Variants in PXDN observed in about 807,000 individuals in gnomAD.
PXDN encodes the protein peroxidasin, also known as peroxidasin homolog.
PXDN carries 77 observed loss-of-function variants against 140.3 expected under a neutral mutation model. That is an observed-to-expected ratio of 0.55 (90% CI 0.46 to 0.66). The LOEUF is 0.66. Among genes scored for constraint, PXDN ranks in the 30% least tolerant of loss-of-function variants. PXDN has a pLI of 0.00. For missense variants in PXDN, 1,838 were observed against 2,039.5 expected, an observed-to-expected ratio of 0.90 and a Z score of 1.90; for synonymous variants, 911 against 857.4, an observed-to-expected ratio of 1.06 and a Z score of -1.09.
intron 1 of PXDN, among the ~76,000 whole-genome samples, chr2:1,705,346 C>A (rs1166504257): frequency 6.6e-6 from 1 of 152,110 alleles, no homozygotes; most frequent in African/African-American, 2.4e-5. Flanking sequence ...CCCATGAGCC[C>A]AGATGCAGGG....
rs760210864 is a variant in PXDN at position 1,649,580 on chromosome 2, C to G, written c.2200G>C (p.Asp734His). Residue 734 changes from aspartate (D) to histidine (H), a missense_variant, in exon 17 of 23, where the codon GAC becomes CAC. Asp to His is a moderately conservative substitution (Grantham distance 81). Transcript: ENST00000252804. The surrounding 1 kb of genome is among the most constrained non-coding windows in gnomAD (Gnocchi z 7.1). ...TAHRRVNNCS[D>H]MCFHQKYRTH... ...CGGTACTTCTGGTGGAAGCACATGT[C>G]CGAGCAGTTGTTCACGCGCCGGTGG... 6 of 1,614,030 alleles carry G rather than the reference C, an allele frequency of 3.7e-6. No individual in the cohort carries two copies. Among genetic ancestry groups the G allele is most frequent in the Non-Finnish European group, 5.1e-6 (6 of 1,179,894 alleles).
intron 7 of PXDN, among the ~76,000 whole-genome samples, chr2:1,679,598 TGC>T (rs1466304702): frequency 8.7e-6 from 1 of 114,708 alleles, no homozygotes; most frequent in Admixed American, 8.9e-5. Context: ...TGCGTGTATG[TGC>T]GTGTGTGTGT....
At chr2:1,702,299 C>A (rs567301918) in intron 1 of PXDN, among the ~76,000 whole-genome samples, 5 of 152,096 alleles carry the variant, frequency 3.3e-5, no homozygotes, top group East Asian at 1.9e-4. Context: ...CCAGGTGCCA[C>A]CCCCCCAACC....
chr2:1,653,932 G>A (rs1683071689), intron 15 of PXDN, 147 bp from the exon 16 acceptor site: 3 of 970,554 alleles, frequency 3.1e-6, no homozygotes, highest in Non-Finnish European at 4.4e-6. Context: ...CATCCGAAGT[G>A]GGAGGCAACA....
intron 14 of PXDN, among the ~76,000 whole-genome samples, chr2:1,656,012 TAC>T (rs779145337): frequency 1.3e-5 from 2 of 151,236 alleles, no homozygotes; most frequent in African/African-American, 4.9e-5. Flanking sequence ...CACGACACTA[TAC>T]ACACAGATAC....
intron 17 of PXDN, among the ~76,000 whole-genome samples, chr2:1,644,978 T>C (rs1449478061): frequency 1.3e-5 from 2 of 152,164 alleles, no homozygotes; most frequent in African/African-American, 4.8e-5. Flanking sequence ...CAAACGCATT[T>C]ATTATAACAA....
chr2:1,650,868 C>G (rs1166512506), intron 16 of PXDN, among the ~76,000 whole-genome samples: 7 of 152,078 alleles, frequency 4.6e-5, no homozygotes, highest in Non-Finnish European at 1.0e-4. Context: ...GTCAAGATCA[C>G]AGGTATCACT....
At chr2:1,708,367 G>A (rs11127326) in intron 1 of PXDN, among the ~76,000 whole-genome samples, 37,952 of 152,104 alleles carry the variant, frequency 0.25, 5,138 homozygotes, top group African/African-American at 0.32. Flanking sequence ...TCTGGGCCTG[G>A]AGTTTGCCCC....
intron 1 of PXDN, among the ~76,000 whole-genome samples, chr2:1,743,837 C>G (rs1685617797): frequency 8.1e-6 from 1 of 123,490 alleles, no homozygotes; most frequent in Non-Finnish European, 1.7e-5. Flanking sequence ...CCGAGGGGTC[C>G]TGAGCGGGGG....
Position 1,649,202 on chromosome 2 carries a change from C to A in PXDN, c.2578G>T (p.Val860Phe). 6.2e-7 allele frequency: 1 copy of A among 1,612,032 alleles called. No individual in the cohort carries two copies. The highest frequency in any genetic ancestry group is 8.5e-7 in the Non-Finnish European group (1 of 1,179,546). The change falls in exon 17 of 23, where the codon GTC (valine) becomes TTC (phenylalanine). Residue 860 changes from valine to phenylalanine, a missense_variant. This residue lies in a region of PXDN where 850 missense variants were observed against 894.1 expected (regional missense o/e 0.95). Coordinates refer to ENST00000252804, the MANE Select transcript of PXDN (RefSeq NM_012293.3). The surrounding 1 kb of genome is among the most constrained non-coding windows in gnomAD (Gnocchi z 7.1). Reference protein sequence around the residue: ...VCSNDPPCFSVMIPPNDSRAR... With the variant: ...VCSNDPPCFSFMIPPNDSRAR... ...CGGGAGTCATTGGGGGGGATCATGACAGAGAAGCAGGGGGGGTCGTTGCTG... is the reference window on the plus strand; with the variant it reads ...CGGGAGTCATTGGGGGGGATCATGAAAGAGAAGCAGGGGGGGTCGTTGCTG...
intron 17 of PXDN, among the ~76,000 whole-genome samples, chr2:1,647,128 T>C (rs528948166): frequency 2.0e-4 from 30 of 151,988 alleles, no homozygotes; most frequent in Non-Finnish European, 4.3e-4. Flanking sequence ...ACTCCTGACC[T>C]CGTGATCCAC....
In PXDN at chr2:1,635,467, C is replaced by T. The variant is rs778657944; in HGVS notation, c.4261G>A (p.Glu1421Lys). Residue 1421 changes from glutamate (E) to lysine (K), a missense_variant, in exon 22 of 23, where the codon GAA (glutamate) becomes AAA (lysine). Physicochemically the swap from Glu to Lys is moderately conservative, Grantham distance 56. Coordinates refer to ENST00000252804, the MANE Select transcript of PXDN (RefSeq NM_012293.3). ...STTECVDAGGESHANNTKWKK... is the reference protein window; with the variant it reads ...STTECVDAGGKSHANNTKWKK... ...CACTTGGTGTTGTTGGCGTGAGATT[C>T]GCCCCCGGCATCCACGCACTCTGTG... The T allele has an allele frequency of 1.4e-5, 22 of 1,602,478 alleles. No individual in the cohort carries two copies. Among genetic ancestry groups the T allele is most frequent in the South Asian group, 5.6e-5 (5 of 88,762 alleles).
At chr2:1,728,564 C>T (rs939001274) in intron 1 of PXDN, among the ~76,000 whole-genome samples, 1 of 152,216 alleles carries the variant, frequency 6.6e-6, no homozygotes, top group African/African-American at 2.4e-5. Flanking sequence ...CTCTTGTTTC[C>T]ACTCTCCTGC....
intron 1 of PXDN, among the ~76,000 whole-genome samples, chr2:1,734,959 G>C (rs1484400488): frequency 1.3e-5 from 2 of 152,194 alleles, no homozygotes; most frequent in Non-Finnish European, 2.9e-5. Flanking sequence ...ACTAGGTTTA[G>C]GGAATATTCT....
At chr2:1,689,338 AAAAC>A (rs1344205788) in intron 3 of PXDN, among the ~76,000 whole-genome samples, 15 of 152,264 alleles carry the variant, frequency 9.9e-5, no homozygotes, top group Admixed American at 3.9e-4. Context: ...AAGAAAAACA[AAAAC>A]AAAGTATCAA....
chr2:1,726,989 G>A (rs573661141), intron 1 of PXDN, among the ~76,000 whole-genome samples: 1 of 152,286 alleles, frequency 6.6e-6, no homozygotes, highest in South Asian at 2.1e-4. Flanking sequence ...TGGACCCCCG[G>A]AAGGCAGAAA....
At chr2:1,731,897 G>A (rs1487787425) in intron 1 of PXDN, among the ~76,000 whole-genome samples, 1 of 152,140 alleles carries the variant, frequency 6.6e-6, no homozygotes, top group Non-Finnish European at 1.5e-5. Context: ...AAAGACAGAT[G>A]GAGAACACCA....
intron 1 of PXDN, among the ~76,000 whole-genome samples, chr2:1,739,336 C>T (rs543152170): frequency 6.6e-6 from 1 of 152,274 alleles, no homozygotes; most frequent in South Asian, 2.1e-4. Flanking sequence ...GTCACCCACG[C>T]TGGGGAGAAA....
At chr2:1,654,556 T>C (rs769620381) in intron 14 of PXDN, 48 bp from the exon 15 acceptor site, 1 of 1,270,044 alleles carries the variant, frequency 7.9e-7, no homozygotes, top group Non-Finnish European at 1.1e-6. Flanking sequence ...ACTGCACAAT[T>C]ACTCATAAAA....
Sources: allele counts gnomAD v4.1 joint callset (sites outside exome capture counted in the v4.1 genomes callset), GRCh38; gene constraint gnomAD v4.1.1; regional missense constraint gnomAD v4.1.1; non-coding constraint Gnocchi (gnomAD v3.1); transcripts MANE v1.5; gene names NCBI Gene and HGNC (gene_info 2026-07-23, HGNC 2026-07-21).